The following HS6ST3 variants were observed in gnomAD, a reference collection of about 807,000 sequenced individuals.
HS6ST3 encodes heparan sulfate 6-O-sulfotransferase 3, also known as heparan-sulfate 6-O-sulfotransferase 3.
HS6ST3 carries 12 observed loss-of-function variants against 36.7 expected under a neutral mutation model. That is an observed-to-expected ratio of 0.33 (90% CI 0.21 to 0.53). HS6ST3 has a LOEUF of 0.53. Among genes scored for constraint, HS6ST3 ranks in the 20% least tolerant of loss-of-function variants. The pLI is 0.95. For synonymous variants in HS6ST3, 240 were observed against 257.5 expected (o/e 0.93, Z 0.65); for missense variants, 584 against 640.9 (o/e 0.91, Z 0.96).
At position 96,317,352 on chromosome 13, in the gene HS6ST3, A is replaced by AAT. The variant is rs371822264; in HGVS notation, c.707+225783_707+225784insAT. On this transcript the variant is annotated intron_variant, in intron 1 of 1. Transcript: ENST00000376705. ...TATATATATATATATATATATATAT[A>AAT]TATATATATATATATAAAATTATAT... Among the ~76,000 whole-genome samples, 518 of 70,996 alleles carry AAT rather than the reference A, an allele frequency of 7.3e-3. 7 individuals are homozygous for AAT. The highest frequency in any genetic ancestry group is 0.01 in the Non-Finnish European group (419 of 41,538). 46.6% of individuals were successfully genotyped at this position (70,996 alleles called of 152,430 possible). A position where few individuals can be genotyped will look rare whatever the true frequency, so the allele number is the denominator to read the frequency against.
chr13:96,091,884 G>T lies in HS6ST3; in HGVS notation c.707+315G>T, dbSNP rs555657863. Among the ~76,000 whole-genome samples the T allele has an allele frequency of 5.9e-5, 9 of 152,218 alleles. No homozygotes were observed. The South Asian group carries it at 1.7e-3, about 28-fold the overall frequency. ...CCCTCCCAGTGGACGCTGGAAAAACGCCCTGAAATGGGGAGCGGATCGCGG... is the reference window on the plus strand; with the variant it reads ...CCCTCCCAGTGGACGCTGGAAAAACTCCCTGAAATGGGGAGCGGATCGCGG... On this transcript the variant is annotated intron_variant, in intron 1 of 1. Coordinates refer to ENST00000376705, the MANE Select transcript of HS6ST3 (RefSeq NM_153456.4).
At chr13:96,586,987 G>A (rs903830845) in intron 1 of HS6ST3, among the ~76,000 whole-genome samples, 1 of 152,022 alleles carries the variant, frequency 6.6e-6, no homozygotes, top group Non-Finnish European at 1.5e-5. Context: ...TGCGATAAGG[G>A]TCTAATATCA....
At chr13:96,459,320 T>G (rs919075592) in intron 1 of HS6ST3, among the ~76,000 whole-genome samples, 1 of 152,010 alleles carries the variant, frequency 6.6e-6, no homozygotes, top group Non-Finnish European at 1.5e-5. Flanking sequence ...GAAAAAATGC[T>G]TTATCTTGTT....
At chr13:96,237,560 T>A (rs970613876) in intron 1 of HS6ST3, among the ~76,000 whole-genome samples, 4 of 152,196 alleles carry the variant, frequency 2.6e-5, no homozygotes, top group African/African-American at 9.6e-5. Flanking sequence ...CTCAAATAGT[T>A]GACCTCATAT....
intron 1 of HS6ST3, among the ~76,000 whole-genome samples, chr13:96,393,014 C>T (rs972891807): frequency 1.4e-4 from 22 of 152,090 alleles, no homozygotes; most frequent in African/African-American, 5.3e-4. Context: ...ATTGTGGGGA[C>T]AGTTTCTCCC....
chr13:96,745,257 G>A (rs1876535126), intron 1 of HS6ST3, among the ~76,000 whole-genome samples: 1 of 151,998 alleles, frequency 6.6e-6, no homozygotes, highest in East Asian at 1.9e-4. Context: ...AAACATTATA[G>A]CCTCAATTAT....
At chr13:96,756,740 T>C (rs1057066628) in intron 1 of HS6ST3, among the ~76,000 whole-genome samples, 1 of 152,252 alleles carries the variant, frequency 6.6e-6, no homozygotes, top group African/African-American at 2.4e-5. Flanking sequence ...TTATTTTGTT[T>C]AATGTTATTG....
intron 1 of HS6ST3, among the ~76,000 whole-genome samples, chr13:96,783,033 T>C (rs1417668333): frequency 6.6e-6 from 1 of 152,162 alleles, no homozygotes; most frequent in Admixed American, 6.5e-5. Context: ...AGTAAATTAT[T>C]TTGAACAATG....
At chr13:96,252,789 A>G (rs1384850063) in intron 1 of HS6ST3, among the ~76,000 whole-genome samples, 1 of 151,786 alleles carries the variant, frequency 6.6e-6, no homozygotes, top group Non-Finnish European at 1.5e-5. Context: ...AGTTTTTGCA[A>G]GATCTGGTTG....
intron 1 of HS6ST3, among the ~76,000 whole-genome samples, chr13:96,249,589 G>A (rs986117921): frequency 6.6e-6 from 1 of 152,148 alleles, no homozygotes; most frequent in Non-Finnish European, 1.5e-5. Context: ...TACATTCTTT[G>A]CAGTATGAAT....
intron 1 of HS6ST3, among the ~76,000 whole-genome samples, chr13:96,737,582 G>A (rs979132841): frequency 1.5e-5 from 2 of 136,474 alleles, no homozygotes; most frequent in African/African-American, 5.6e-5. Flanking sequence ...CCGAGATTGC[G>A]CCACTGCAGT....
intron 1 of HS6ST3, among the ~76,000 whole-genome samples, chr13:96,281,792 A>G (rs1331260278): frequency 3.9e-5 from 6 of 152,204 alleles, no homozygotes; most frequent in Non-Finnish European, 8.8e-5. Flanking sequence ...GAATTCTTTC[A>G]GACTTCCCTC....
rs1566456797 is a variant in HS6ST3, at chr13:96,799,968, ATATATATATATATG to A, written c.708-32508_708-32495del. Among the ~76,000 whole-genome samples, 251 of 69,528 alleles carry A rather than the reference ATATATATATATATG, an allele frequency of 3.6e-3. 19 individuals are homozygous for A. The highest frequency in any genetic ancestry group is 0.019 in the African/African-American group (233 of 12,280). The allele number at this position is 69,528 out of a possible 152,430, so 45.6% of individuals were successfully genotyped here. A position where few individuals can be genotyped will look rare whatever the true frequency, so the allele number is the denominator to read the frequency against. On this transcript the variant is annotated intron_variant, in intron 1 of 1. Transcript: ENST00000376705. ...TGTATATATATATATATATATGTGT[ATATATATATATATG>A]TATATATATATATATGTATATATAT...
At chr13:96,436,134 C>T (rs1296330352) in intron 1 of HS6ST3, among the ~76,000 whole-genome samples, 2 of 152,308 alleles carry the variant, frequency 1.3e-5, no homozygotes, top group Non-Finnish European at 1.5e-5. Context: ...TCCTACATCA[C>T]TCTGCCCTAT....
chr13:96,412,928 GAGAA>G (rs2055515274), intron 1 of HS6ST3, among the ~76,000 whole-genome samples: 2 of 147,310 alleles, frequency 1.4e-5, no homozygotes, highest in Non-Finnish European at 3.0e-5. Flanking sequence ...ATTGAAGAAA[GAGAA>G]AGAAGAAAGA....
At chr13:96,198,090 C>G (rs2054322925) in intron 1 of HS6ST3, among the ~76,000 whole-genome samples, 2 of 152,172 alleles carry the variant, frequency 1.3e-5, no homozygotes, top group African/African-American at 4.8e-5. Flanking sequence ...CACCCACAAG[C>G]TCAACACCAT....
At chr13:96,731,378 C>T (rs1400641570) in intron 1 of HS6ST3, among the ~76,000 whole-genome samples, 1 of 152,128 alleles carries the variant, frequency 6.6e-6, no homozygotes, top group East Asian at 1.9e-4. Flanking sequence ...TTCAGTTAAC[C>T]TGATGTCCTT....
At chr13:96,242,306 C>T (rs1182375217) in intron 1 of HS6ST3, among the ~76,000 whole-genome samples, 1 of 151,524 alleles carries the variant, frequency 6.6e-6, no homozygotes, top group Non-Finnish European at 1.5e-5. Flanking sequence ...CTCACTTCAG[C>T]CTTGACCTCC....
At position 96,690,239 on chromosome 13, in the gene HS6ST3, G is replaced by C. The variant is rs114140744; in HGVS notation, c.708-142251G>C. Among the ~76,000 whole-genome samples, 205 of 152,084 alleles carry C rather than the reference G, an allele frequency of 1.3e-3. 1 individual carries two copies. Among genetic ancestry groups the C allele is most frequent in the African/African-American group, 3.9e-3 (163 of 41,506 alleles). On this transcript the variant is annotated intron_variant, in intron 1 of 1. Coordinates refer to ENST00000376705, the MANE Select transcript of HS6ST3 (RefSeq NM_153456.4). ...AAAATATACTGGACAGAGAATTGATGGACTCTGAACCTTGGGCAAAAGTAC... is the reference window on the plus strand; with the variant it reads ...AAAATATACTGGACAGAGAATTGATCGACTCTGAACCTTGGGCAAAAGTAC...
Sources: allele counts gnomAD v4.1 joint callset (sites outside exome capture counted in the v4.1 genomes callset), GRCh38; gene constraint gnomAD v4.1.1; transcripts MANE v1.5; gene names NCBI Gene and HGNC (gene_info 2026-07-23, HGNC 2026-07-21).